Variants in PDSS2 observed in about 807,000 individuals in gnomAD.
The protein encoded by PDSS2 is decaprenyl diphosphate synthase subunit 2, also known as all trans-polyprenyl-diphosphate synthase PDSS2.
A neutral mutation model predicts 44.5 loss-of-function variants in PDSS2; 31 were observed. The observed-to-expected ratio is 0.70, with a 90% CI of 0.52 to 0.94. The LOEUF (loss-of-function observed/expected upper bound fraction) is 0.94, where lower values mean the gene tolerates loss of function less well. Ranked by LOEUF, PDSS2 falls within the 40% of genes least tolerant of loss-of-function variation. The pLI is 0.00. For synonymous variants in PDSS2, 157 were observed against 180.3 expected, an observed-to-expected ratio of 0.87 and a Z score of 1.03; for missense variants, 452 against 482.2, an observed-to-expected ratio of 0.94 and a Z score of 0.59.
chr6:107,154,667 G>GGCCTC lies in PDSS2; in HGVS notation c.1147_1151dup (p.Ser386ProfsTer5). 5 of 1,614,146 alleles carry GGCCTC rather than the reference G, an allele frequency of 3.1e-6. No individual in the cohort carries two copies. The highest frequency in any genetic ancestry group is 4.2e-6 in the Non-Finnish European group (5 of 1,179,988). On this transcript the variant is annotated frameshift_variant, in exon 8 of 8. Coordinates refer to ENST00000369037, the MANE Select transcript of PDSS2 (RefSeq NM_020381.4). LOFTEE classifies it high-confidence loss of function. ...ACACAATGTTTTCTAAAGCAGATCT[G>GGCCTC]GCCTCCGAGGGAGGAAAGCTCTCCA...
intron 6 of PDSS2, among the ~76,000 whole-genome samples, chr6:107,198,322 C>CTGAGAGA (rs1214655841): frequency 6.6e-6 from 1 of 152,122 alleles, no homozygotes; most frequent in Non-Finnish European, 1.5e-5. Flanking sequence ...GTTTTGAAAG[C>CTGAGAGA]TGAGAGAGTA....
chr6:107,344,391 T>C (rs897845658), intron 1 of PDSS2, among the ~76,000 whole-genome samples: 13 of 152,188 alleles, frequency 8.5e-5, no homozygotes, highest in African/African-American at 2.7e-4. Context: ...CCAAAATGTA[T>C]TATTACTGCC....
At chr6:107,238,446 C>T (rs9486568) in intron 4 of PDSS2, among the ~76,000 whole-genome samples, 1 of 152,078 alleles carries the variant, frequency 6.6e-6, no homozygotes. Flanking sequence ...AGAGACAGCC[C>T]CATAGGGTGA....
chr6:107,385,112 C>T (rs187982349), intron 1 of PDSS2, among the ~76,000 whole-genome samples: 3 of 152,278 alleles, frequency 2.0e-5, no homozygotes, highest in Middle Eastern at 3.4e-3. Flanking sequence ...TGAATTTCAT[C>T]TCTTTATTTA....
At chr6:107,181,116 A>G (rs1272752548) in intron 7 of PDSS2, among the ~76,000 whole-genome samples, 2 of 152,248 alleles carry the variant, frequency 1.3e-5, no homozygotes, top group Non-Finnish European at 2.9e-5. Context: ...AAGTGCTGGA[A>G]TTATAGGTGT....
chr6:107,183,304 C>A (rs1021545539), intron 7 of PDSS2, among the ~76,000 whole-genome samples: 1 of 151,294 alleles, frequency 6.6e-6, no homozygotes, highest in African/African-American at 2.4e-5. Flanking sequence ...AACGTCTTAT[C>A]TAATTATATT....
chr6:107,402,453 C>CACACAT (rs1554276767), intron 1 of PDSS2, among the ~76,000 whole-genome samples: 2 of 6,594 alleles, frequency 3.0e-4, no homozygotes, highest in Admixed American at 2.5e-3. Flanking sequence ...CACACACACA[C>CACACAT]ATATATATAC....
At chr6:107,271,215 G>T (rs1775587991) in intron 3 of PDSS2, among the ~76,000 whole-genome samples, 1 of 152,038 alleles carries the variant, frequency 6.6e-6, no homozygotes, top group Admixed American at 6.6e-5. Context: ...CAAACATTTT[G>T]TTCAAGTTAT....
intron 1 of PDSS2, among the ~76,000 whole-genome samples, chr6:107,402,062 T>C (rs1780121867): frequency 6.6e-6 from 1 of 152,104 alleles, no homozygotes; most frequent in Non-Finnish European, 1.5e-5. Flanking sequence ...GCAGACTTCC[T>C]GAGGTCAGGA....
chr6:107,331,512 C>T (rs1356286648), intron 2 of PDSS2, among the ~76,000 whole-genome samples: 6 of 152,144 alleles, frequency 3.9e-5, no homozygotes. Context: ...GACCATCTGC[C>T]AACATGTTAT....
chr6:107,336,027 G>A (rs1777879163), intron 1 of PDSS2, among the ~76,000 whole-genome samples: 3 of 114,688 alleles, frequency 2.6e-5, no homozygotes, highest in Non-Finnish European at 5.5e-5. Flanking sequence ...GGTGGGGGGT[G>A]GGGCATCACC....
At chr6:107,160,122 A>G (rs1771069325) in intron 7 of PDSS2, among the ~76,000 whole-genome samples, 1 of 152,166 alleles carries the variant, frequency 6.6e-6, no homozygotes, top group Non-Finnish European at 1.5e-5. Context: ...AGGCTGAGGC[A>G]GGAGAATTGC....
intron 2 of PDSS2, among the ~76,000 whole-genome samples, chr6:107,309,522 G>A (rs774969259): frequency 6.6e-6 from 1 of 152,130 alleles, no homozygotes; most frequent in African/African-American, 2.4e-5. Context: ...CATTGCACAG[G>A]TCTTGGCCTA....
At chr6:107,348,054 A>G (rs1220239444) in intron 1 of PDSS2, among the ~76,000 whole-genome samples, 1 of 152,074 alleles carries the variant, frequency 6.6e-6, no homozygotes. Flanking sequence ...GTAATAGGAG[A>G]TAAGTCATCG....
intron 1 of PDSS2, among the ~76,000 whole-genome samples, chr6:107,407,433 T>C (rs1331559907): frequency 6.6e-6 from 1 of 152,218 alleles, no homozygotes. Context: ...ACATGGTGAA[T>C]TTTATGTTAT....
At chr6:107,181,001 A>G (rs1229660647) in intron 7 of PDSS2, among the ~76,000 whole-genome samples, 1 of 151,998 alleles carries the variant, frequency 6.6e-6, no homozygotes, top group African/African-American at 2.4e-5. Context: ...TGCACCACCA[A>G]GCCCAGCTAA....
At chr6:107,157,814 G>GTGCC (rs1770961125) in intron 7 of PDSS2, among the ~76,000 whole-genome samples, 2 of 151,966 alleles carry the variant, frequency 1.3e-5, no homozygotes. Context: ...GGGATTACAG[G>GTGCC]CACCCGCCAC....
chr6:107,424,541 T>C (rs1432838999), intron 1 of PDSS2, among the ~76,000 whole-genome samples: 1 of 152,174 alleles, frequency 6.6e-6, no homozygotes, highest in Non-Finnish European at 1.5e-5. Flanking sequence ...TTTTCAACAC[T>C]TAGCTATTAT....
At chr6:107,451,962 T>G (rs892663158) in intron 1 of PDSS2, among the ~76,000 whole-genome samples, 1 of 152,236 alleles carries the variant, frequency 6.6e-6, no homozygotes, top group Non-Finnish European at 1.5e-5. Flanking sequence ...GAACATCTTT[T>G]CATATGCTTA....
Sources: gnomAD v4.1 joint callset for allele counts (sites outside exome capture counted in the v4.1 genomes callset) on GRCh38, gnomAD v4.1.1 for gene constraint, MANE v1.5 for transcripts, NCBI Gene and HGNC (gene_info 2026-07-23, HGNC 2026-07-21) for gene names.